Variants in NKAIN2 observed in about 807,000 individuals in gnomAD.
The protein encoded by NKAIN2 is sodium/potassium-transporting ATPase subunit beta-1-interacting protein 2.
NKAIN2 carries 14 observed loss-of-function variants against 32.6 expected under a neutral mutation model. The ratio of observed to expected loss-of-function variants is 0.43; its 90% CI spans 0.28 to 0.67. The LOEUF is 0.67. NKAIN2 is among the 30% of genes least tolerant of loss of function. The pLI is 0.17. For missense variants in NKAIN2, 198 were observed against 258.3 expected, an observed-to-expected ratio of 0.77 and a Z score of 1.60; for synonymous variants, 80 against 87.2, an observed-to-expected ratio of 0.92 and a Z score of 0.46.
intron 1 of NKAIN2, among the ~76,000 whole-genome samples, chr6:124,105,923 TG>T (rs1785098372): frequency 6.6e-6 from 1 of 152,182 alleles, no homozygotes; most frequent in African/African-American, 2.4e-5. Context: ...TGTAACCTTA[TG>T]AGGAAGGTGC....
chr6:124,004,457 G>A (rs1779994534), intron 1 of NKAIN2, among the ~76,000 whole-genome samples: 1 of 152,060 alleles, frequency 6.6e-6, no homozygotes, highest in South Asian at 2.1e-4. Context: ...GAAGAGGGAA[G>A]CCAGACAGGA....
At chr6:124,392,992 G>C (rs1252947484) in intron 3 of NKAIN2, among the ~76,000 whole-genome samples, 2 of 152,100 alleles carry the variant, frequency 1.3e-5, no homozygotes, top group Non-Finnish European at 2.9e-5. Flanking sequence ...ATGACAGAGT[G>C]AGACTCTGTC....
intron 4 of NKAIN2, among the ~76,000 whole-genome samples, chr6:124,685,446 A>G (rs1773824431): frequency 6.6e-6 from 1 of 152,218 alleles, no homozygotes; most frequent in Non-Finnish European, 1.5e-5. Context: ...ATGATATTAC[A>G]TATGAGATTA....
intron 1 of NKAIN2, among the ~76,000 whole-genome samples, chr6:123,911,818 C>CTGT (rs1775219849): frequency 2.4e-5 from 2 of 82,808 alleles, no homozygotes; most frequent in East Asian, 9.2e-4. Flanking sequence ...TATATACACA[C>CTGT]ACACACACAC....
chr6:124,734,829 T>C (rs1776859703), intron 4 of NKAIN2, among the ~76,000 whole-genome samples: 1 of 151,884 alleles, frequency 6.6e-6, no homozygotes, highest in Non-Finnish European at 1.5e-5. Flanking sequence ...ATGATCCTGT[T>C]CCTGGAAAAA....
chr6:124,730,155 A>G lies in NKAIN2; in HGVS notation c.475-61184A>G, dbSNP rs1333920283. On this transcript the variant is annotated intron_variant, in intron 4 of 6. Coordinates refer to ENST00000368417, the MANE Select transcript of NKAIN2 (RefSeq NM_001040214.3). Reference sequence around the variant, plus strand: ...CTTCCCAAGGTAATTTACAGATTCAATGCCATCCCCATCAAGCTACCAATG... The same window carrying G: ...CTTCCCAAGGTAATTTACAGATTCAGTGCCATCCCCATCAAGCTACCAATG... Among the ~76,000 whole-genome samples the G allele has an allele frequency of 1.4e-4, 13 of 91,786 alleles. 2 individuals are homozygous for G. The highest frequency in any genetic ancestry group is 5.6e-4 in the African/African-American group (13 of 23,388). 60.2% of individuals were successfully genotyped at this position (91,786 alleles called of 152,430 possible).
At chr6:123,906,694 ATCTG>A (rs1203026545) in intron 1 of NKAIN2, among the ~76,000 whole-genome samples, 2 of 152,176 alleles carry the variant, frequency 1.3e-5, no homozygotes, top group Admixed American at 6.5e-5. Context: ...CTCCTGTAGT[ATCTG>A]TCTGTGTTAT....
At chr6:124,669,081 A>C (rs1008821791) in intron 4 of NKAIN2, among the ~76,000 whole-genome samples, 1 of 152,138 alleles carries the variant, frequency 6.6e-6, no homozygotes, top group Admixed American at 6.6e-5. Flanking sequence ...ATATTGTGGC[A>C]ATATAATAGG....
intron 3 of NKAIN2, among the ~76,000 whole-genome samples, chr6:124,437,011 T>A (rs138516784): frequency 5.1e-4 from 78 of 152,256 alleles, no homozygotes; most frequent in African/African-American, 1.8e-3. Flanking sequence ...TTTTTCACTT[T>A]TGGTTTCTGT....
At chr6:123,806,606 G>A (rs1206222774) in intron 1 of NKAIN2, among the ~76,000 whole-genome samples, 6 of 151,958 alleles carry the variant, frequency 3.9e-5, no homozygotes, top group Non-Finnish European at 5.9e-5. Flanking sequence ...ATGTCTTTGC[G>A]CTATTATGAG....
At chr6:124,160,936 G>T (rs1024261361) in intron 1 of NKAIN2, among the ~76,000 whole-genome samples, 1 of 152,084 alleles carries the variant, frequency 6.6e-6, no homozygotes, top group Admixed American at 6.6e-5. Context: ...AAGTTGCTCA[G>T]TGATGCCTTC....
intron 1 of NKAIN2, among the ~76,000 whole-genome samples, chr6:123,891,243 G>T (rs539519331): frequency 1.6e-4 from 25 of 152,158 alleles, no homozygotes; most frequent in Non-Finnish European, 1.5e-4. Context: ...TGGAGATCAT[G>T]AAAAAGTTCA....
chr6:124,444,896 G>A (rs897090560), intron 3 of NKAIN2, among the ~76,000 whole-genome samples: 1 of 151,748 alleles, frequency 6.6e-6, no homozygotes, highest in Non-Finnish European at 1.5e-5. Context: ...TATTGCTGAA[G>A]GATGTATGTA....
chr6:124,137,243 T>G (rs543969987), intron 1 of NKAIN2, among the ~76,000 whole-genome samples: 2 of 152,158 alleles, frequency 1.3e-5, no homozygotes, highest in South Asian at 4.1e-4. Flanking sequence ...CATTAAGAAC[T>G]CAATCTTTTT....
intron 1 of NKAIN2, among the ~76,000 whole-genome samples, chr6:123,958,237 A>C (rs1777688233): frequency 6.6e-6 from 1 of 150,428 alleles, no homozygotes; most frequent in South Asian, 2.1e-4. Context: ...GAATTTTTGA[A>C]GGAAAAAAAA....
At chr6:124,342,408 CA>C (rs1179071490) in intron 2 of NKAIN2, among the ~76,000 whole-genome samples, 4,337 of 84,480 alleles carry the variant, frequency 0.051, 97 homozygotes, top group African/African-American at 0.095. Flanking sequence ...GACTCCATCT[CA>C]AAAAAAAAAA....
At chr6:124,526,496 G>A (rs1157886950) in intron 3 of NKAIN2, among the ~76,000 whole-genome samples, 1 of 152,068 alleles carries the variant, frequency 6.6e-6, no homozygotes, top group African/African-American at 2.4e-5. Flanking sequence ...GGGTATAAGA[G>A]GGCCAACCCC....
intron 1 of NKAIN2, among the ~76,000 whole-genome samples, chr6:123,976,112 G>A (rs529579869): frequency 1.3e-5 from 2 of 151,066 alleles, no homozygotes; most frequent in South Asian, 2.1e-4. Flanking sequence ...ATGATTGTGA[G>A]GCCTCCCCAG....
At chr6:123,923,096 T>C (rs1449654636) in intron 1 of NKAIN2, among the ~76,000 whole-genome samples, 2 of 151,328 alleles carry the variant, frequency 1.3e-5, no homozygotes, top group Admixed American at 1.3e-4. Context: ...TAATAGTAAC[T>C]ACTTCATAGA....
Sources: gnomAD v4.1 joint callset for allele counts (sites outside exome capture counted in the v4.1 genomes callset) on GRCh38, gnomAD v4.1.1 for gene constraint, MANE v1.5 for transcripts, NCBI Gene and HGNC (gene_info 2026-07-23, HGNC 2026-07-21) for gene names.